Variants in RUNX1 observed in about 807,000 individuals in gnomAD.
RUNX1 encodes the protein runt-related transcription factor 1.
RUNX1 carries 19 observed loss-of-function variants against 42.8 expected under a neutral mutation model. The ratio of observed to expected loss-of-function variants is 0.44; its 90% CI spans 0.31 to 0.65. RUNX1 has a LOEUF of 0.65. RUNX1 is among the 30% of genes least tolerant of loss of function. RUNX1 has a pLI of 0.07. For missense variants in RUNX1, 528 were observed against 672.0 expected (o/e 0.79, Z 2.37); for synonymous variants, 271 against 289.4 (o/e 0.94, Z 0.64).
At chr21:35,000,418 T>C (rs1179885686) in intron 2 of RUNX1, among the ~76,000 whole-genome samples, 1 of 151,976 alleles carries the variant, frequency 6.6e-6, no homozygotes, top group Admixed American at 6.5e-5. Context: ...TTTTTTGTAT[T>C]TTTAGTAAAC....
At chr21:35,034,729 T>C (rs1450275690) in intron 2 of RUNX1, among the ~76,000 whole-genome samples, 3 of 152,176 alleles carry the variant, frequency 2.0e-5, no homozygotes, top group Non-Finnish European at 4.4e-5. Context: ...AAATGTCAAC[T>C]GTGGCGAGGT....
At chr21:34,842,227 C>T (rs1361712885) in intron 6 of RUNX1, among the ~76,000 whole-genome samples, 3 of 152,116 alleles carry the variant, frequency 2.0e-5, no homozygotes, top group Non-Finnish European at 4.4e-5. Flanking sequence ...TCAGTCCGGG[C>T]CTGATGGCTC....
chr21:34,815,474 G>A (rs983956392), intron 7 of RUNX1, among the ~76,000 whole-genome samples: 1 of 152,190 alleles, frequency 6.6e-6, no homozygotes, highest in Admixed American at 6.5e-5. Context: ...GGGTCCTGAA[G>A]CCCCCGCCAT....
At chr21:35,024,851 C>T (rs1425639699) in intron 2 of RUNX1, among the ~76,000 whole-genome samples, 1 of 152,144 alleles carries the variant, frequency 6.6e-6, no homozygotes, top group Non-Finnish European at 1.5e-5. Flanking sequence ...TTAGAATAGC[C>T]TCAATGTCTG....
Position 34,897,827 on chromosome 21 carries a change from A to G in RUNX1, c.59-4864T>C, listed in dbSNP as rs557022500. 1.1e-4 allele frequency among the ~76,000 whole-genome samples: 17 copies of G among 152,348 alleles called. No homozygotes were observed. The South Asian group carries it at 3.5e-3, about 32-fold the overall frequency. ...TTCCACCCTAATCCCTGGGGCTGGGAATATGATGAGTTGTCATGCTCTGGT... is the reference window on the plus strand; with the variant it reads ...TTCCACCCTAATCCCTGGGGCTGGGGATATGATGAGTTGTCATGCTCTGGT... On this transcript the variant is annotated intron_variant, in intron 2 of 8. Transcript: ENST00000675419.
intron 2 of RUNX1, among the ~76,000 whole-genome samples, chr21:34,929,881 G>T (rs1191953002): frequency 1.3e-5 from 2 of 151,986 alleles, no homozygotes; most frequent in Admixed American, 1.3e-4. Flanking sequence ...TCCTTGAACT[G>T]TTGTCATCCC....
intron 2 of RUNX1, chr21:35,038,572 CCTCT>C (rs59976658): frequency 0.035 from 11,675 of 330,834 alleles, 511 homozygotes; most frequent in African/African-American, 0.19. Context: ...TGAATGCTGG[CCTCT>C]CTCTCTCTCT....
chr21:34,971,504 GCCATCCATCCAT>G (rs76561322), intron 2 of RUNX1, among the ~76,000 whole-genome samples: 144 of 150,524 alleles, frequency 9.6e-4, no homozygotes, highest in African/African-American at 3.3e-3. Flanking sequence ...ATTTTTATCA[GCCATCCATCCAT>G]CCATCCATCC....
chr21:34,888,373 G>A, intron 3 of RUNX1: 9 of 1,067,704 alleles, frequency 8.4e-6, no homozygotes, highest in Non-Finnish European at 1.0e-5. Context: ...TTCACGGCTC[G>A]CCTCGGACCA....
chr21:34,990,762 T>TGG (rs2058931064), intron 2 of RUNX1, among the ~76,000 whole-genome samples: 2 of 152,082 alleles, frequency 1.3e-5, no homozygotes, highest in African/African-American at 2.4e-5. Context: ...TGGCTAATTT[T>TGG]TGTATTTTTA....
chr21:35,009,647 T>C (rs1242332440), intron 2 of RUNX1, among the ~76,000 whole-genome samples: 1 of 152,150 alleles, frequency 6.6e-6, no homozygotes, highest in African/African-American at 2.4e-5. Context: ...CTTCTCCCAT[T>C]TATGCACTGT....
intron 2 of RUNX1, among the ~76,000 whole-genome samples, chr21:34,998,627 C>T (rs781189789): frequency 2.0e-5 from 3 of 152,062 alleles, no homozygotes; most frequent in South Asian, 2.1e-4. Context: ...CTGCAAGCTC[C>T]GCCTCCCAGG....
rs574868761 is a variant in RUNX1 at position 34,858,319 on chromosome 21, A to C, written c.613+1155T>G. Among the ~76,000 whole-genome samples, 3 of 152,288 alleles carry C rather than the reference A, an allele frequency of 2.0e-5. No individual in the cohort carries two copies. The South Asian group carries it at 6.2e-4, about 32-fold the overall frequency. ...CCACCATGCAGGGAAGGTCATCTAG[A>C]GGGGACTGGAGCAGTAGCCAGGGAT... is the stretch of plus-strand genomic sequence containing the variant. On this transcript the variant is annotated intron_variant, in intron 6 of 8. Coordinates refer to ENST00000675419, the MANE Select transcript of RUNX1 (RefSeq NM_001754.5).
chr21:34,991,559 TGA>T (rs2058939993), intron 2 of RUNX1, among the ~76,000 whole-genome samples: 1 of 151,986 alleles, frequency 6.6e-6, no homozygotes, highest in African/African-American at 2.4e-5. Context: ...ATGATGATGA[TGA>T]TGATGATGAT....
At position 34,890,676 on chromosome 21, in the gene RUNX1, A is replaced by C. The variant is rs193077352; in HGVS notation, c.97+2249T>G. 1.6e-3 allele frequency among the ~76,000 whole-genome samples: 237 copies of C among 152,320 alleles called. 3 individuals carry two copies. The highest frequency in any genetic ancestry group is 1.2e-3 in the Admixed American group (19 of 15,310). Reference sequence around the variant, plus strand: ...TGGGGTCTCGGAAAGAAAACTTACTACATTTTTCTTTTAAAATGATTTTTT... The same window carrying C: ...TGGGGTCTCGGAAAGAAAACTTACTCCATTTTTCTTTTAAAATGATTTTTT... On this transcript the variant is annotated intron_variant, in intron 3 of 8. Transcript: ENST00000675419.
intron 6 of RUNX1, among the ~76,000 whole-genome samples, chr21:34,847,629 T>C (rs1299587678): frequency 6.6e-6 from 1 of 152,216 alleles, no homozygotes; most frequent in African/African-American, 2.4e-5. Context: ...ATCTTATAGA[T>C]GACCCAGGGG....
chr21:34,960,831 T>C (rs769800953), intron 2 of RUNX1, among the ~76,000 whole-genome samples: 6 of 152,156 alleles, frequency 3.9e-5, no homozygotes, highest in Admixed American at 1.3e-4. Context: ...TGCCTGAAGA[T>C]TGGACAAAGA....
intron 5 of RUNX1, among the ~76,000 whole-genome samples, chr21:34,868,927 A>G (rs1346414055): frequency 6.6e-6 from 1 of 152,256 alleles, no homozygotes; most frequent in Non-Finnish European, 1.5e-5. Flanking sequence ...CTAATAAAAC[A>G]GGAATAGGTA....
intron 3 of RUNX1, 92 bp downstream of exon 3, chr21:34,892,831 CAA>C: frequency 2.6e-6 from 2 of 765,602 alleles, no homozygotes; most frequent in Non-Finnish European, 4.5e-6. Context: ...AATTATATCA[CAA>C]GTTATACATA....
Sources: allele counts gnomAD v4.1 joint callset (sites outside exome capture counted in the v4.1 genomes callset), GRCh38; gene constraint gnomAD v4.1.1; transcripts MANE v1.5; gene names NCBI Gene and HGNC (gene_info 2026-07-23, HGNC 2026-07-21).